The following ADGRL1 variants were observed in gnomAD, a reference collection of about 807,000 sequenced individuals.
ADGRL1 encodes the protein CIRL-1.
A neutral mutation model predicts 148.9 loss-of-function variants in ADGRL1; 31 were observed. That is an observed-to-expected ratio of 0.21 (90% confidence interval 0.16 to 0.28). The LOEUF (loss-of-function observed/expected upper bound fraction) is 0.28, where lower values mean the gene tolerates loss of function less well. Ranked by LOEUF, ADGRL1 falls within the 10% of genes least tolerant of loss-of-function variation. The probability of loss-of-function intolerance (pLI) is 1.00; values close to 1 mark genes in which losing one functional copy is unlikely to be tolerated. For missense variants in ADGRL1, 1,521 were observed against 2,058.8 expected (o/e 0.74, Z 5.05); for synonymous variants, 937 against 900.3 (o/e 1.04, Z -0.73).
chr19:14,188,671 C>A (rs977350396), intron 1 of ADGRL1, among the ~76,000 whole-genome samples: 3 of 152,244 alleles, frequency 2.0e-5, no homozygotes, highest in Non-Finnish European at 4.4e-5. Context: ...CATCTGTCTT[C>A]AGCATCTGCC....
Position 14,155,243 on chromosome 19 carries a change from A to C in ADGRL1, c.3294+116T>G. 2 of 1,204,770 alleles carry C rather than the reference A, an allele frequency of 1.7e-6. No homozygotes were observed. Among genetic ancestry groups the C allele is most frequent in the Non-Finnish European group, 2.4e-6 (2 of 850,052 alleles). 74.6% of individuals were successfully genotyped at this position (1,204,770 alleles called of 1,614,324 possible). ...GACCTGACCACAGAAGCCCTGCAGC[A>C]CTCACTGGGGGCTTGAGGGAGCCCC... On this transcript the variant is annotated intron_variant, in intron 18 of 22. Coordinates refer to ENST00000361434, the MANE Select transcript of ADGRL1 (RefSeq NM_014921.5). This position sits in a 1 kb window ranked among gnomAD's most constrained non-coding sequence, Gnocchi z 5.0.
intron 3 of ADGRL1, chr19:14,171,150 C>A: frequency 4.7e-6 from 1 of 211,110 alleles, no homozygotes; most frequent in Non-Finnish European, 9.6e-6. Context: ...CCTGCTTCCC[C>A]TTCACCTTCT....
chr19:14,183,454 G>C (rs1251714633), intron 2 of ADGRL1, 79 bp downstream of exon 2: 1 of 1,307,142 alleles, frequency 7.7e-7, no homozygotes, highest in African/African-American at 1.6e-5. Context: ...GAGTGATCAG[G>C]AGGGTTTTCA....
At chr19:14,175,191 T>C (rs897598568) in intron 3 of ADGRL1, among the ~76,000 whole-genome samples, 2 of 152,178 alleles carry the variant, frequency 1.3e-5, no homozygotes, top group Non-Finnish European at 2.9e-5. Context: ...GGACTGACTG[T>C]GGGTGTGAGA....
chr19:14,159,983 G>C lies in ADGRL1; in HGVS notation c.1800+129C>G, dbSNP rs577768037. ...CCGGCAGTCCTTGGCGGAGAGGGGGGGGTCCTTCCTCTCTGAGGAAAGGAG... is the reference window on the plus strand; with the variant it reads ...CCGGCAGTCCTTGGCGGAGAGGGGGCGGTCCTTCCTCTCTGAGGAAAGGAG... On this transcript the variant is annotated intron_variant, in intron 8 of 22. Transcript: ENST00000361434. The surrounding 1 kb of genome is among the most constrained non-coding windows in gnomAD (Gnocchi z 6.0). 1.8e-6 allele frequency: 2 copies of C among 1,084,812 alleles called. No individual in the cohort carries two copies. The highest frequency in any genetic ancestry group is 2.6e-5 in the East Asian group (1 of 39,032). The allele number at this position is 1,084,812 out of a possible 1,614,324, so 67.2% of individuals were successfully genotyped here.
chr19:14,176,921 A>G (rs1970864251), intron 3 of ADGRL1, among the ~76,000 whole-genome samples: 1 of 151,920 alleles, frequency 6.6e-6, no homozygotes, highest in Admixed American at 6.6e-5. Context: ...ATATTTTACA[A>G]GCTCCAAACT....
rs74181774 is a variant in ADGRL1, at chr19:14,204,713, T to TGAGAGA, written c.-96+1266_-96+1271dup. On this transcript the variant is annotated intron_variant, in intron 1 of 22. Coordinates refer to ENST00000361434, the MANE Select transcript of ADGRL1 (RefSeq NM_014921.5). Reference sequence around the variant, plus strand: ...GAGAGATAGAGAAAGACAGAGAGAGTGAGAGAGAGAGAGAGAGAGAGAGAG... The same window carrying TGAGAGA: ...GAGAGATAGAGAAAGACAGAGAGAGTGAGAGAGAGAGAGAGAGAGAGAGAGAGAGAG... 8.4e-3 allele frequency among the ~76,000 whole-genome samples: 1,195 copies of TGAGAGA among 142,970 alleles called. 19 individuals carry two copies. The highest frequency in any genetic ancestry group is 0.029 in the African/African-American group (1,127 of 38,330). 93.8% of individuals were successfully genotyped at this position (142,970 alleles called of 152,430 possible). A position where few individuals can be genotyped will look rare whatever the true frequency, so the allele number is the denominator to read the frequency against.
rs2144645659 is a variant in ADGRL1, at chr19:14,155,171, T to C, written c.3294+188A>G. On this transcript the variant is annotated intron_variant, in intron 18 of 22. Coordinates refer to ENST00000361434, the MANE Select transcript of ADGRL1 (RefSeq NM_014921.5). The surrounding 1 kb of genome is among the most constrained non-coding windows in gnomAD (Gnocchi z 5.0). ...TTCCAGAACCCTCTTCACCCGTGGTTAAACCCTCCCTAACCCTGAGCTCGT... is the reference window on the plus strand; with the variant it reads ...TTCCAGAACCCTCTTCACCCGTGGTCAAACCCTCCCTAACCCTGAGCTCGT... 7.1e-6 allele frequency: 4 copies of C among 565,054 alleles called. No homozygotes were observed. The Middle Eastern group carries it at 1.5e-3, about 210-fold the overall frequency. 35.0% of individuals were successfully genotyped at this position (565,054 alleles called of 1,614,324 possible). A position where few individuals can be genotyped will look rare whatever the true frequency, so the allele number is the denominator to read the frequency against.
In ADGRL1 at chr19:14,155,195, G is replaced by A. The variant is rs992335329; in HGVS notation, c.3294+164C>T. The stretch of plus-strand genomic sequence containing the variant: ...TTAAACCCTCCCTAACCCTGAGCTC[G>A]TGCTCCCCTCCCGGTGGACGCAGAC... On this transcript the variant is annotated intron_variant, in intron 18 of 22. Transcript: ENST00000361434. This position sits in a 1 kb window ranked among gnomAD's most constrained non-coding sequence, Gnocchi z 5.0. 9.5e-6 allele frequency: 7 copies of A among 737,540 alleles called. No homozygotes were observed. Among genetic ancestry groups the A allele is most frequent in the Middle Eastern group, 3.6e-4 (1 of 2,752 alleles). 45.7% of individuals were successfully genotyped at this position (737,540 alleles called of 1,614,324 possible).
intron 4 of ADGRL1, among the ~76,000 whole-genome samples, chr19:14,165,384 G>A (rs1003710252): frequency 1.3e-5 from 2 of 152,216 alleles, no homozygotes; most frequent in African/African-American, 2.4e-5. Context: ...CTGAGGGGAC[G>A]TGTTTGTGTG....
chr19:14,165,244 G>A (rs1380641782), intron 4 of ADGRL1, among the ~76,000 whole-genome samples: 4 of 152,184 alleles, frequency 2.6e-5, no homozygotes, highest in East Asian at 1.9e-4. Flanking sequence ...GAGCCAAAAC[G>A]ACCCTGGCTT....
intron 4 of ADGRL1, among the ~76,000 whole-genome samples, chr19:14,166,028 G>C (rs1380233728): frequency 6.6e-6 from 1 of 151,964 alleles, no homozygotes; most frequent in Non-Finnish European, 1.5e-5. Context: ...GCCAGTAATG[G>C]CCAGCCCCAT....
At chr19:14,166,867 T>G (rs1198117587) in intron 4 of ADGRL1, 8 of 798,446 alleles carry the variant, frequency 1.0e-5, no homozygotes, top group Non-Finnish European at 1.7e-5. Context: ...CTGGTCCCAC[T>G]GGGAGGACAA....
Position 14,151,540 on chromosome 19 carries a change from G to A in ADGRL1, c.3743C>T (p.Ser1248Phe). 2 of 1,611,736 alleles carry A rather than the reference G, an allele frequency of 1.2e-6. No homozygotes were observed. The highest frequency in any genetic ancestry group is 1.7e-6 in the Non-Finnish European group (2 of 1,179,338). ...GGGAGGGAAATCCCCACTTCGCAAGGAGTAACTGTTATTGAAGTTGCCGTT... is the reference window on the plus strand; with the variant it reads ...GGGAGGGAAATCCCCACTTCGCAAGAAGTAACTGTTATTGAAGTTGCCGTT... ...PLNGNFNNSY[S>F]LRSGDFPPGD... Residue 1248 changes from serine to phenylalanine, a missense_variant, in exon 23 of 23, where the codon TCC (serine) becomes TTC (phenylalanine). By Grantham distance (155) the Ser-to-Phe change is radical. Transcript: ENST00000361434.
At chr19:14,187,618 C>A (rs981695420) in intron 1 of ADGRL1, among the ~76,000 whole-genome samples, 5 of 146,170 alleles carry the variant, frequency 3.4e-5, no homozygotes, top group African/African-American at 1.2e-4. Flanking sequence ...ACATCCCTGA[C>A]TAGACACGGC....
At chr19:14,202,911 T>C (rs1972709631) in intron 1 of ADGRL1, among the ~76,000 whole-genome samples, 1 of 152,052 alleles carries the variant, frequency 6.6e-6, no homozygotes, top group Non-Finnish European at 1.5e-5. Flanking sequence ...CACCCTTGGC[T>C]AGATCACCAT....
intron 3 of ADGRL1, among the ~76,000 whole-genome samples, chr19:14,175,948 G>A (rs947888138): frequency 6.6e-6 from 1 of 152,156 alleles, no homozygotes; most frequent in Non-Finnish European, 1.5e-5. Flanking sequence ...CAGCTACTCG[G>A]GAGGCTGAGG....
In ADGRL1 at chr19:14,168,434, G is replaced by C. The variant is rs11882921; in HGVS notation, c.394+2248C>G. Among the ~76,000 whole-genome samples the C allele has an allele frequency of 8.7e-3, 1,319 of 152,210 alleles. 22 individuals are homozygous for C. The highest frequency in any genetic ancestry group is 0.031 in the African/African-American group (1,267 of 41,504). ...CCCGTATGTGTGCACACATGTCTGC[G>C]CGTGTGTGTGTGTGCGTGTGTCTCC... On this transcript the variant is annotated intron_variant, in intron 4 of 22. Coordinates refer to ENST00000361434, the MANE Select transcript of ADGRL1 (RefSeq NM_014921.5).
intron 1 of ADGRL1, among the ~76,000 whole-genome samples, chr19:14,204,906 C>A (rs1393430080): frequency 6.6e-6 from 1 of 152,022 alleles, no homozygotes; most frequent in Non-Finnish European, 1.5e-5. Flanking sequence ...CTGCCTGGAA[C>A]TGGGATACAG....
Sources: gnomAD v4.1 joint callset for allele counts (sites outside exome capture counted in the v4.1 genomes callset) on GRCh38, gnomAD v4.1.1 for gene constraint, Gnocchi (gnomAD v3.1) non-coding constraint, MANE v1.5 for transcripts, NCBI Gene and HGNC (gene_info 2026-07-23, HGNC 2026-07-21) for gene names.